Variants in EYS observed in about 807,000 individuals in gnomAD.
The protein encoded by EYS is protein eyes shut homolog.
Under a neutral mutation model 282.1 loss-of-function variants are expected in EYS, and 250 were observed. The observed-to-expected ratio is 0.89, with a 90% CI of 0.80 to 0.98. The LOEUF is 0.98. Among genes scored for constraint, EYS ranks in the 50% least tolerant of loss-of-function variants. EYS has a pLI of 0.00. For missense variants in EYS, 4,016 were observed against 3,709.0 expected, an observed-to-expected ratio of 1.08 and a Z score of -2.15; for synonymous variants, 1,355 against 1,282.9, an observed-to-expected ratio of 1.06 and a Z score of -1.20.
chr6:64,731,968 T>TACATATA (rs1771984402), intron 22 of EYS, among the ~76,000 whole-genome samples: 3 of 151,990 alleles, frequency 2.0e-5, no homozygotes, highest in Admixed American at 2.0e-4. Flanking sequence ...ATACCATGGA[T>TACATATA]TACTATGCAG....
At chr6:65,512,192 G>C (rs1766905547) in intron 2 of EYS, among the ~76,000 whole-genome samples, 1 of 151,846 alleles carries the variant, frequency 6.6e-6, no homozygotes, top group Non-Finnish European at 1.5e-5. Context: ...GATCCTCTTA[G>C]TATAAAAATT....
chr6:64,295,493 GAAGA>G (rs1158564012), intron 30 of EYS, among the ~76,000 whole-genome samples: 11 of 41,258 alleles, frequency 2.7e-4, no homozygotes, highest in South Asian at 9.3e-4. Context: ...AGAAGAAGAA[GAAGA>G]AAGAAGAAAG....
chr6:64,626,204 A>G lies in EYS; in HGVS notation c.3485T>C (p.Ile1162Thr), dbSNP rs747387297. ...ACATGGTGATGAAGAGCATTCATTT[A>G]TATTAATTTCACAAAATTGACCAGA... ...GFSGQFCEIN[I>T]NECSSSPCLH... The change falls in exon 23 of 43, where the codon ATA becomes ACA. Residue 1162 changes from isoleucine (I) to threonine (T), a missense_variant. Ile to Thr is a moderately conservative substitution (Grantham distance 89). Coordinates refer to ENST00000503581, the MANE Select transcript of EYS (RefSeq NM_001142800.2). 6.5e-7 allele frequency: 1 copy of G among 1,535,230 alleles called. No individual in the cohort carries two copies. The highest frequency in any genetic ancestry group is 1.3e-5 in the South Asian group (1 of 79,182).
intron 26 of EYS, among the ~76,000 whole-genome samples, chr6:64,580,059 A>C (rs1582916734): frequency 6.6e-6 from 1 of 152,092 alleles, no homozygotes; most frequent in Non-Finnish European, 1.5e-5. Flanking sequence ...CCATTCCTAG[A>C]CTTCAACATT....
At chr6:64,792,857 C>CGTGTGTGTGTGTGTGTGTGT (rs61516922) in intron 22 of EYS, among the ~76,000 whole-genome samples, 5,705 of 148,336 alleles carry the variant, frequency 0.038, 148 homozygotes, top group Non-Finnish European at 0.049. Flanking sequence ...GATCTTGACA[C>CGTGTGTGTGTGTGTGTGTGT]GTGTGTGTGT....
At chr6:63,723,690 G>A (rs965065149) in intron 42 of EYS, among the ~76,000 whole-genome samples, 2 of 151,772 alleles carry the variant, frequency 1.3e-5, no homozygotes, top group African/African-American at 2.4e-5. Context: ...CTGTGGCTAT[G>A]GAAGCTAAAA....
chr6:65,363,868 A>G (rs1181328976), intron 8 of EYS, among the ~76,000 whole-genome samples: 1 of 151,746 alleles, frequency 6.6e-6, no homozygotes, highest in African/African-American at 2.4e-5. Context: ...TGTATAATCA[A>G]ATTTTACCCC....
At chr6:64,387,453 T>C (rs115614121) in intron 29 of EYS, among the ~76,000 whole-genome samples, 5,486 of 152,210 alleles carry the variant, frequency 0.036, 233 homozygotes, top group African/African-American at 0.1. Flanking sequence ...TTAAAATTTA[T>C]ATTTTATTTG....
At chr6:64,921,649 A>C (rs1768350005) in intron 15 of EYS, among the ~76,000 whole-genome samples, 1 of 152,230 alleles carries the variant, frequency 6.6e-6, no homozygotes, top group Non-Finnish European at 1.5e-5. Context: ...ATGGAAAGAA[A>C]GGATAAATTC....
intron 35 of EYS, among the ~76,000 whole-genome samples, chr6:63,952,641 T>A (rs1006645537): frequency 2.0e-5 from 3 of 152,102 alleles, no homozygotes; most frequent in Admixed American, 1.3e-4. Flanking sequence ...CCTTATTAGG[T>A]TGAGACATTT....
chr6:65,293,656 A>T (rs1768587142), intron 12 of EYS, among the ~76,000 whole-genome samples: 1 of 151,864 alleles, frequency 6.6e-6, no homozygotes, highest in South Asian at 2.1e-4. Flanking sequence ...AAAGTGGTTC[A>T]CAGATCAGCA....
intron 12 of EYS, among the ~76,000 whole-genome samples, chr6:65,260,099 C>A (rs1198884297): frequency 1.3e-5 from 2 of 151,814 alleles, no homozygotes; most frequent in African/African-American, 4.8e-5. Flanking sequence ...TGGTGGAAGG[C>A]GAAGGGGAAG....
At chr6:64,443,795 G>T (rs1582759608) in intron 26 of EYS, among the ~76,000 whole-genome samples, 1 of 151,968 alleles carries the variant, frequency 6.6e-6, no homozygotes, top group African/African-American at 2.4e-5. Flanking sequence ...ATGATTGTGA[G>T]GCCTCCCCAG....
chr6:64,413,625 A>G (rs1286547360), intron 28 of EYS, among the ~76,000 whole-genome samples: 2 of 152,130 alleles, frequency 1.3e-5, no homozygotes, highest in Non-Finnish European at 2.9e-5. Flanking sequence ...AAGTACAGAA[A>G]ATATCGTAAA....
intron 33 of EYS, among the ~76,000 whole-genome samples, chr6:64,024,228 A>C (rs1238681645): frequency 7.2e-5 from 11 of 152,024 alleles, no homozygotes; most frequent in Non-Finnish European, 2.9e-5. Context: ...CAGAACCTTT[A>C]TGTCTAGCTA....
At chr6:65,208,747 A>G (rs1400339339) in intron 12 of EYS, among the ~76,000 whole-genome samples, 1 of 127,468 alleles carries the variant, frequency 7.8e-6, no homozygotes, top group Non-Finnish European at 1.7e-5. Flanking sequence ...GAGCTAAACA[A>G]TGGGAACATA....
intron 13 of EYS, among the ~76,000 whole-genome samples, chr6:65,054,489 T>C (rs924239999): frequency 6.6e-6 from 1 of 152,008 alleles, no homozygotes; most frequent in Admixed American, 6.6e-5. Context: ...ATTCACGTGG[T>C]CTCATCTACA....
intron 30 of EYS, among the ~76,000 whole-genome samples, chr6:64,290,072 G>T (rs978305469): frequency 6.6e-6 from 1 of 152,060 alleles, no homozygotes; most frequent in African/African-American, 2.4e-5. Flanking sequence ...GGCCAAGGAG[G>T]TTTTCTCTCT....
intron 14 of EYS, among the ~76,000 whole-genome samples, chr6:64,976,425 TA>T (rs879343864): frequency 2.6e-5 from 4 of 151,932 alleles, no homozygotes; most frequent in Admixed American, 2.0e-4. Flanking sequence ...TTACTTCTTA[TA>T]ATTCTGGTGA....
Sources: gnomAD v4.1 joint callset for allele counts (sites outside exome capture counted in the v4.1 genomes callset) on GRCh38, gnomAD v4.1.1 for gene constraint, MANE v1.5 for transcripts, NCBI Gene and HGNC (gene_info 2026-07-23, HGNC 2026-07-21) for gene names.